MCC: variants seen among roughly 807,000 people sequenced by gnomAD.
The protein encoded by MCC is colorectal mutant cancer protein.
A neutral mutation model predicts 116.2 loss-of-function variants in MCC; 90 were observed. The observed-to-expected ratio is 0.77, with a 90% CI of 0.65 to 0.92. The LOEUF (loss-of-function observed/expected upper bound fraction) is 0.92. Among genes scored for constraint, MCC ranks in the 40% least tolerant of loss-of-function variants. The pLI is 0.00. For missense variants in MCC, 1,516 were observed against 1,312.2 expected (o/e 1.16, Z -2.40); for synonymous variants, 578 against 510.5 (o/e 1.13, Z -1.78).
At position 113,488,408 on chromosome 5, in the gene MCC, C is replaced by T; in HGVS notation, c.7G>A (p.Ala3Thr). Residue 3 changes from alanine to threonine, a missense_variant, in exon 1 of 19, where the codon GCG becomes ACG. Physicochemically the swap from Ala to Thr is moderately conservative, Grantham distance 58. Coordinates refer to ENST00000408903, the MANE Select transcript of MCC (RefSeq NM_001085377.2). Reference protein sequence around the residue: MMAAAAAAAAGSS... With the variant: MMTAAAAAAAGSS... ...CCCGCAGCCGCTGCCGCCGCGGCCG[C>T]CATCATGCGCCCGCTCCCTACTTGG... is the stretch of plus-strand genomic sequence containing the variant. The T allele has an allele frequency of 7.2e-7, 1 of 1,397,828 alleles. No individual in the cohort carries two copies. Among genetic ancestry groups the T allele is most frequent in the South Asian group, 1.8e-5 (1 of 56,202 alleles). 86.6% of individuals were successfully genotyped at this position (1,397,828 alleles called of 1,614,324 possible). A position where few individuals can be genotyped will look rare whatever the true frequency, so the allele number is the denominator to read the frequency against.
intron 1 of MCC, among the ~76,000 whole-genome samples, chr5:113,414,915 T>G (rs938948549): frequency 6.6e-6 from 1 of 152,214 alleles, no homozygotes; most frequent in Admixed American, 6.5e-5. Context: ...CAGTTGTTCC[T>G]TTCTTTCTTT....
intron 2 of MCC, among the ~76,000 whole-genome samples, chr5:113,364,238 G>GAAAAAAAAAAAAAAAAAAAAAAC (rs1768627557): frequency 4.0e-5 from 2 of 49,432 alleles, no homozygotes; most frequent in African/African-American, 7.4e-5. Context: ...CTCAAAAACA[G>GAAAAAAAAAAAAAAAAAAAAAAC]AAAAAAAAAA....
intron 3 of MCC, among the ~76,000 whole-genome samples, chr5:113,183,425 A>G (rs547380834): frequency 3.3e-5 from 5 of 152,306 alleles, no homozygotes; most frequent in South Asian, 2.1e-4. Context: ...CCTCTTAAAA[A>G]CATTCTTTCT....
intron 1 of MCC, among the ~76,000 whole-genome samples, chr5:113,441,912 G>C (rs376993672): frequency 1.2e-4 from 18 of 152,250 alleles, no homozygotes; most frequent in African/African-American, 3.9e-4. Flanking sequence ...CATTTGGATT[G>C]GTTCCAAGTC....
At chr5:113,161,362 T>C (rs1257802997) in intron 3 of MCC, among the ~76,000 whole-genome samples, 1 of 152,220 alleles carries the variant, frequency 6.6e-6, no homozygotes, top group Non-Finnish European at 1.5e-5. Context: ...GAGAATTCTA[T>C]GAACATGAAT....
intron 1 of MCC, among the ~76,000 whole-genome samples, chr5:113,462,450 A>G (rs960175063): frequency 1.3e-5 from 2 of 151,480 alleles, no homozygotes; most frequent in African/African-American, 2.4e-5. Flanking sequence ...CAGTCGAAAC[A>G]ACACTTTTAA....
At chr5:113,060,790 G>A (rs1359147651) in intron 14 of MCC, among the ~76,000 whole-genome samples, 1 of 152,118 alleles carries the variant, frequency 6.6e-6, no homozygotes, top group Non-Finnish European at 1.5e-5. Context: ...TCATGTCAAG[G>A]ATGTGTCGGG....
At position 113,026,109 on chromosome 5, in the gene MCC, C is replaced by A. The variant is rs557579490; in HGVS notation, c.*1193G>T. The stretch of plus-strand genomic sequence containing the variant: ...AGACCTTCCTGAAATAATTCAGTTA[C>A]TTTGGTACTGCCTAGCCCTGTAAGC... On this transcript the variant is annotated 3_prime_UTR_variant, in exon 19 of 19. Transcript: ENST00000408903. 1 of 152,182 alleles carries A rather than the reference C, an allele frequency of 6.6e-6. No homozygotes were observed. Among genetic ancestry groups the A allele is most frequent in the South Asian group, 2.1e-4 (1 of 4,828 alleles). 9.4% of individuals were successfully genotyped at this position (152,182 alleles called of 1,614,324 possible).
chr5:113,463,150 G>A (rs905293994), intron 1 of MCC, among the ~76,000 whole-genome samples: 1 of 152,166 alleles, frequency 6.6e-6, no homozygotes, highest in African/African-American at 2.4e-5. Context: ...CTGAAATTCA[G>A]AAAAGAAGAG....
Position 113,101,930 on chromosome 5 carries a change from C to G in MCC, c.1207G>C (p.Glu403Gln). ...DLAIKTVEEI[E>Q]GVLGRDLYPN... ...TACAGGTCCCGGCCAAGCACCCCCT[C>G]AATCTCCTCGACTGTCTGTAAAACA... The change falls in exon 8 of 19, where the codon GAG becomes CAG. Residue 403 changes from glutamate (E) to glutamine (Q), a missense_variant. Physicochemically the swap from Glu to Gln is conservative, Grantham distance 29. Coordinates refer to ENST00000408903, the MANE Select transcript of MCC (RefSeq NM_001085377.2). 6.2e-7 allele frequency: 1 copy of G among 1,613,946 alleles called. No homozygotes were observed. Among genetic ancestry groups the G allele is most frequent in the Non-Finnish European group, 8.5e-7 (1 of 1,180,016 alleles).
At chr5:113,433,901 C>T (rs746229954) in intron 1 of MCC, 2 of 1,614,010 alleles carry the variant, frequency 1.2e-6, no homozygotes. Context: ...CTCCCTCAGG[C>T]TCCAGCTTGG....
At chr5:113,331,392 G>C (rs1240963283) in intron 3 of MCC, among the ~76,000 whole-genome samples, 1 of 151,576 alleles carries the variant, frequency 6.6e-6, no homozygotes, top group Non-Finnish European at 1.5e-5. Context: ...AATAACCAGG[G>C]ACATCCTCTA....
chr5:113,057,176 G>C (rs1752889750), intron 14 of MCC, among the ~76,000 whole-genome samples: 1 of 152,222 alleles, frequency 6.6e-6, no homozygotes, highest in African/African-American at 2.4e-5. Context: ...GTCAGAGAGG[G>C]AGTGCGTGGG....
chr5:113,355,459 T>C (rs1186464762), intron 2 of MCC, among the ~76,000 whole-genome samples: 1 of 152,180 alleles, frequency 6.6e-6, no homozygotes, highest in African/African-American at 2.4e-5. Context: ...CTGGTTTTGC[T>C]TAAAGGCTCC....
intron 11 of MCC, among the ~76,000 whole-genome samples, chr5:113,082,482 A>C (rs956644801): frequency 6.6e-6 from 1 of 152,198 alleles, no homozygotes; most frequent in Non-Finnish European, 1.5e-5. Flanking sequence ...GCCACCTGTG[A>C]CCTACTTGCC....
intron 1 of MCC, among the ~76,000 whole-genome samples, chr5:113,405,546 T>C (rs1482229802): frequency 6.6e-6 from 1 of 152,136 alleles, no homozygotes; most frequent in Non-Finnish European, 1.5e-5. Flanking sequence ...CCCAGCACTT[T>C]GGGAGGCAGA....
chr5:113,100,701 G>T (rs1371325540), intron 8 of MCC, among the ~76,000 whole-genome samples: 2 of 152,046 alleles, frequency 1.3e-5, no homozygotes, highest in Admixed American at 1.3e-4. Flanking sequence ...TTGAACTCCT[G>T]ACCTTGTGAT....
At chr5:113,269,073 G>A (rs990423325) in intron 3 of MCC, 4 of 675,620 alleles carry the variant, frequency 5.9e-6, no homozygotes, top group Admixed American at 6.3e-5. Flanking sequence ...CAGATGGGTG[G>A]GTGAATATTT....
At chr5:113,473,464 C>T (rs1772149239) in intron 1 of MCC, among the ~76,000 whole-genome samples, 1 of 152,148 alleles carries the variant, frequency 6.6e-6, no homozygotes, top group Admixed American at 6.6e-5. Flanking sequence ...TGTGAGGCTG[C>T]TGTGGGCTAT....
Sources: gnomAD v4.1 joint callset for allele counts (sites outside exome capture counted in the v4.1 genomes callset) on GRCh38, gnomAD v4.1.1 for gene constraint, MANE v1.5 for transcripts, NCBI Gene and HGNC (gene_info 2026-07-23, HGNC 2026-07-21) for gene names.